The following PREP variants were observed in gnomAD, a reference collection of about 807,000 sequenced individuals.
PREP encodes dJ355L5.1 (prolyl endopeptidase).
Under a neutral mutation model 87.6 loss-of-function variants are expected in PREP, and 29 were observed. That is an observed-to-expected ratio of 0.33 (90% confidence interval 0.25 to 0.45). The LOEUF (loss-of-function observed/expected upper bound fraction) is 0.45. Among genes scored for constraint, PREP ranks in the 20% least tolerant of loss-of-function variants. The probability of loss-of-function intolerance (pLI) is 1.00; values close to 1 mark genes in which losing one functional copy is unlikely to be tolerated. For missense variants in PREP, 695 were observed against 886.5 expected (o/e 0.78, Z 2.74); for synonymous variants, 337 against 328.6 (o/e 1.03, Z -0.28).
intron 2 of PREP, among the ~76,000 whole-genome samples, chr6:105,394,159 A>G (rs1773231794): frequency 6.6e-6 from 1 of 152,190 alleles, no homozygotes; most frequent in African/African-American, 2.4e-5. Flanking sequence ...TAATATTAAT[A>G]TATTAGTGAA....
chr6:105,306,768 C>T (rs376211384), intron 10 of PREP, among the ~76,000 whole-genome samples: 5 of 152,072 alleles, frequency 3.3e-5, no homozygotes, highest in African/African-American at 1.2e-4. Flanking sequence ...CCCCCACCAC[C>T]CCCTTCACAA....
chr6:105,349,568 C>A (rs1771891240), intron 7 of PREP, among the ~76,000 whole-genome samples: 1 of 151,880 alleles, frequency 6.6e-6, no homozygotes, highest in South Asian at 2.1e-4. Flanking sequence ...CATGAGCCAC[C>A]CAAGTGAAAT....
intron 10 of PREP, among the ~76,000 whole-genome samples, chr6:105,299,097 T>C (rs974307471): frequency 1.3e-5 from 2 of 152,228 alleles, no homozygotes; most frequent in African/African-American, 4.8e-5. Flanking sequence ...GAGAAGGGTA[T>C]TTTCTGAGCA....
intron 11 of PREP, among the ~76,000 whole-genome samples, chr6:105,288,503 G>A (rs904357488): frequency 2.0e-4 from 30 of 152,088 alleles, no homozygotes; most frequent in African/African-American, 6.8e-4. Flanking sequence ...ACAGGCATCC[G>A]CCACCACGTC....
At chr6:105,401,964 C>G (rs1437107626) in intron 1 of PREP, among the ~76,000 whole-genome samples, 1 of 152,162 alleles carries the variant, frequency 6.6e-6, no homozygotes, top group East Asian at 1.9e-4. Flanking sequence ...AAGAGAATCA[C>G]GGCCACAACA....
intron 5 of PREP, among the ~76,000 whole-genome samples, chr6:105,369,826 C>A (rs907286955): frequency 2.6e-5 from 4 of 152,034 alleles, no homozygotes; most frequent in Non-Finnish European, 5.9e-5. Flanking sequence ...AACAAACAAA[C>A]AAACAAACAA....
At chr6:105,307,594 C>T (rs779843836) in intron 10 of PREP, among the ~76,000 whole-genome samples, 2 of 152,034 alleles carry the variant, frequency 1.3e-5, no homozygotes, top group Non-Finnish European at 2.9e-5. Flanking sequence ...TTTTTATTTG[C>T]TTAAGCAATG....
rs1769980643 is a variant in PREP at position 105,277,899 on chromosome 6, C to A, written c.*245G>T. ...CCATTTAGCTATTTATCCCAACATG[C>A]CCTTAAAAAAAACACCAAAAAACCA... On this transcript the variant is annotated 3_prime_UTR_variant, in exon 15 of 15. Transcript: ENST00000652536. The A allele has an allele frequency of 5.5e-6, 3 of 547,792 alleles. No homozygotes were observed. In the South Asian group the frequency reaches 7.5e-5, roughly 14 times the overall value. The allele number at this position is 547,792 out of a possible 1,614,324, so 33.9% of individuals were successfully genotyped here. A position where few individuals can be genotyped will look rare whatever the true frequency, so the allele number is the denominator to read the frequency against.
Position 105,285,499 on chromosome 6 carries a change from C to T in PREP, c.1536G>A (p.Glu512=). 1 of 1,613,470 alleles carries T rather than the reference C, an allele frequency of 6.2e-7. No individual in the cohort carries two copies. Among genetic ancestry groups the T allele is most frequent in the Non-Finnish European group, 8.5e-7 (1 of 1,179,380 alleles). ...AAAACACCTCACCTTTATGCCACGT[C>T]TCTCCATATTCGCCACCTCCTCTGA... The part of the protein sequence containing the change: ...ANIRGGGEYG[E]TWHKGGILAN... The change falls in exon 12 of 15, where the codon GAG becomes GAA. Residue 512 remains glutamate (E), a synonymous_variant. Transcript: ENST00000652536.
intron 7 of PREP, among the ~76,000 whole-genome samples, chr6:105,334,580 A>G (rs12191811): frequency 0.29 from 44,000 of 152,004 alleles, 7,770 homozygotes; most frequent in African/African-American, 0.51. Context: ...TTAGCTGGGC[A>G]TGGTGGCACA....
chr6:105,352,407 A>G (rs571808595), intron 7 of PREP, among the ~76,000 whole-genome samples: 75 of 152,346 alleles, frequency 4.9e-4, no homozygotes, highest in African/African-American at 1.7e-3. Context: ...TGGCAAGCAA[A>G]CACAGGCTGT....
At chr6:105,333,238 G>T in intron 8 of PREP, 76 bp downstream of exon 8, 1 of 1,376,750 alleles carries the variant, frequency 7.3e-7, no homozygotes. Context: ...GATCACTAGA[G>T]AATGAGAGAC....
At position 105,301,112 on chromosome 6, in the gene PREP, C is replaced by T. The variant is rs1017276660; in HGVS notation, c.1318-12218G>A. 2.0e-5 allele frequency among the ~76,000 whole-genome samples: 3 copies of T among 152,336 alleles called. No homozygotes were observed. In the East Asian group the frequency reaches 5.8e-4, roughly 29 times the overall value. On this transcript the variant is annotated intron_variant, in intron 10 of 14. Transcript: ENST00000652536. Reference sequence around the variant, plus strand: ...AGGCAAATGCCAGGACTCCCATTATCGCCAGTCATGAGATGTGCTCATCTA... The same window carrying T: ...AGGCAAATGCCAGGACTCCCATTATTGCCAGTCATGAGATGTGCTCATCTA...
chr6:105,350,279 T>C (rs1166920838), intron 7 of PREP, among the ~76,000 whole-genome samples: 1 of 152,178 alleles, frequency 6.6e-6, no homozygotes, highest in Non-Finnish European at 1.5e-5. Flanking sequence ...GTCCTTTTCT[T>C]TGCATTTTCA....
intron 10 of PREP, among the ~76,000 whole-genome samples, chr6:105,309,371 C>T (rs2756321): frequency 0.032 from 4,850 of 152,144 alleles, 248 homozygotes; most frequent in African/African-American, 0.1. Context: ...CAAACTGACA[C>T]CAACACAAAC....
intron 10 of PREP, chr6:105,298,677 C>A (rs1770468124): frequency 6.5e-6 from 1 of 154,284 alleles, no homozygotes; most frequent in South Asian, 2.0e-4. Flanking sequence ...GACATCTAGT[C>A]CACAGGGAGA....
chr6:105,394,464 A>C (rs1773238267), intron 2 of PREP, among the ~76,000 whole-genome samples: 1 of 152,218 alleles, frequency 6.6e-6, no homozygotes, highest in African/African-American at 2.4e-5. Context: ...CTGTGAGTTC[A>C]AAAAAATTAC....
At chr6:105,343,557 C>G (rs1417472379) in intron 7 of PREP, among the ~76,000 whole-genome samples, 2 of 152,156 alleles carry the variant, frequency 1.3e-5, no homozygotes, top group Admixed American at 1.3e-4. Context: ...AGCTTCTGCA[C>G]AGCAAAACAA....
intron 13 of PREP, 24 bp downstream of exon 13, chr6:105,282,427 C>T (rs1248684217): frequency 1.2e-6 from 2 of 1,605,790 alleles, no homozygotes; most frequent in Non-Finnish European, 1.7e-6. Context: ...CTAGTAAGTG[C>T]AATGAATAAA....
Sources: allele counts gnomAD v4.1 joint callset (sites outside exome capture counted in the v4.1 genomes callset), GRCh38; gene constraint gnomAD v4.1.1; transcripts MANE v1.5; gene names NCBI Gene and HGNC (gene_info 2026-07-23, HGNC 2026-07-21).